Variants in MACROD2 observed in about 807,000 individuals in gnomAD.
The protein encoded by MACROD2 is ADP-ribose glycohydrolase MACROD2.
In MACROD2, 36 loss-of-function variants were observed where a neutral mutation model predicts 70.4. The observed-to-expected ratio is 0.51, with a 90% CI of 0.39 to 0.68. The LOEUF is 0.68. Among genes scored for constraint, MACROD2 ranks in the 30% least tolerant of loss-of-function variants. The probability of loss-of-function intolerance (pLI) is 0.00; values close to 1 mark genes in which losing one functional copy is unlikely to be tolerated. For missense variants in MACROD2, 496 were observed against 538.4 expected (o/e 0.92, Z 0.78); for synonymous variants, 172 against 178.8 (o/e 0.96, Z 0.30).
chr20:15,879,682 T>G (rs1376682857), intron 9 of MACROD2, among the ~76,000 whole-genome samples: 1 of 152,150 alleles, frequency 6.6e-6, no homozygotes, highest in African/African-American at 2.4e-5. Context: ...TAGTCAGGTT[T>G]TTGCAGAGAA....
chr20:15,328,867 T>A (rs2077961109), intron 6 of MACROD2, among the ~76,000 whole-genome samples: 2 of 152,088 alleles, frequency 1.3e-5, no homozygotes, highest in Admixed American at 1.3e-4. Context: ...CCAAAAGATA[T>A]TTACCAAAGT....
chr20:15,698,682 G>A (rs1600775263), intron 8 of MACROD2, among the ~76,000 whole-genome samples: 1 of 152,160 alleles, frequency 6.6e-6, no homozygotes, highest in African/African-American at 2.4e-5. Context: ...CAAGCTTTGA[G>A]AATTGTCTTC....
Position 15,592,553 on chromosome 20 carries a change from A to G in MACROD2, c.645+92706A>G, listed in dbSNP as rs145369712. Among the ~76,000 whole-genome samples, 613 of 152,326 alleles carry G rather than the reference A, an allele frequency of 4.0e-3. 4 individuals carry two copies. Among genetic ancestry groups the G allele is most frequent in the Middle Eastern group, 0.014 (4 of 294 alleles). The stretch of plus-strand genomic sequence containing the variant: ...CTAATTTAAAGCTCACAGTCATAAA[A>G]GATTCGTCCTTGCCTTACTTTCCAC... On this transcript the variant is annotated intron_variant, in intron 8 of 17. Coordinates refer to ENST00000684519, the MANE Select transcript of MACROD2 (RefSeq NM_001351661.2).
chr20:14,589,331 C>T (rs931940018), intron 4 of MACROD2, among the ~76,000 whole-genome samples: 2 of 152,072 alleles, frequency 1.3e-5, no homozygotes, highest in African/African-American at 4.8e-5. Context: ...ATTGCTTTAT[C>T]AGTTTTTGAA....
chr20:14,361,725 T>A (rs190802782), intron 3 of MACROD2, among the ~76,000 whole-genome samples: 54 of 152,224 alleles, frequency 3.5e-4, no homozygotes, highest in African/African-American at 1.2e-3. Context: ...GCCATTGGAC[T>A]AGGGAGGTGT....
chr20:15,651,642 C>G (rs542890604), intron 8 of MACROD2, among the ~76,000 whole-genome samples: 7 of 152,244 alleles, frequency 4.6e-5, no homozygotes, highest in African/African-American at 1.7e-4. Context: ...AGTGACTCCG[C>G]TTTCAATCCA....
At chr20:15,041,533 G>C (rs940905263) in intron 5 of MACROD2, among the ~76,000 whole-genome samples, 11 of 152,054 alleles carry the variant, frequency 7.2e-5, no homozygotes, top group African/African-American at 2.7e-4. Flanking sequence ...GAAGCCTCAA[G>C]TTATCCTCCC....
At chr20:16,014,436 A>G (rs1455346557) in intron 15 of MACROD2, among the ~76,000 whole-genome samples, 2 of 152,248 alleles carry the variant, frequency 1.3e-5, no homozygotes, top group African/African-American at 4.8e-5. Flanking sequence ...CCATGCTCCC[A>G]AGATTGGAAG....
At chr20:15,930,071 C>T (rs780373585) in intron 10 of MACROD2, among the ~76,000 whole-genome samples, 1 of 152,282 alleles carries the variant, frequency 6.6e-6, no homozygotes, top group East Asian at 1.9e-4. Flanking sequence ...GAACATTTAG[C>T]TTCTATGTGG....
At chr20:15,359,079 C>A (rs2078322256) in intron 6 of MACROD2, among the ~76,000 whole-genome samples, 1 of 152,158 alleles carries the variant, frequency 6.6e-6, no homozygotes, top group Admixed American at 6.5e-5. Context: ...TTATTAGCAA[C>A]AGCCACCGAC....
intron 5 of MACROD2, among the ~76,000 whole-genome samples, chr20:15,154,302 A>T (rs1330262049): frequency 6.6e-6 from 1 of 152,100 alleles, no homozygotes; most frequent in Non-Finnish European, 1.5e-5. Flanking sequence ...GAACCTTTCC[A>T]CAGATTTTCC....
chr20:14,505,156 A>C (rs940255659), intron 4 of MACROD2, among the ~76,000 whole-genome samples: 4 of 152,244 alleles, frequency 2.6e-5, no homozygotes, highest in African/African-American at 9.6e-5. Flanking sequence ...GCTTTTAGGA[A>C]CATATGTACC....
At chr20:14,646,928 C>T (rs550855786) in intron 4 of MACROD2, among the ~76,000 whole-genome samples, 114 of 152,052 alleles carry the variant, frequency 7.5e-4, no homozygotes, top group Non-Finnish European at 1.4e-3. Context: ...TAAATATGTG[C>T]GGGTGTCTGG....
intron 3 of MACROD2, among the ~76,000 whole-genome samples, chr20:14,416,020 G>A (rs567797614): frequency 1.9e-4 from 28 of 150,716 alleles, no homozygotes; most frequent in South Asian, 1.3e-3. Context: ...GTGCAGTGGC[G>A]CGATCTCAGC....
intron 5 of MACROD2, among the ~76,000 whole-genome samples, chr20:14,963,852 T>A (rs1001725496): frequency 1.3e-5 from 2 of 152,214 alleles, no homozygotes; most frequent in African/African-American, 4.8e-5. Context: ...CCAGAACTTT[T>A]CTTTGGGCTT....
chr20:14,952,851 T>C (rs933429392), intron 5 of MACROD2, among the ~76,000 whole-genome samples: 5 of 152,056 alleles, frequency 3.3e-5, no homozygotes, highest in African/African-American at 1.2e-4. Flanking sequence ...AACATGACAT[T>C]CTCCTAAAAC....
intron 4 of MACROD2, among the ~76,000 whole-genome samples, chr20:14,590,390 T>C (rs996937241): frequency 6.6e-6 from 1 of 152,164 alleles, no homozygotes; most frequent in Non-Finnish European, 1.5e-5. Context: ...AGCCTGGGTT[T>C]AGAGGTTTGT....
At chr20:14,667,057 T>A (rs959094952) in intron 4 of MACROD2, among the ~76,000 whole-genome samples, 2 of 152,124 alleles carry the variant, frequency 1.3e-5, no homozygotes, top group African/African-American at 4.8e-5. Context: ...GTTCTTCTTA[T>A]AGCAAAACTG....
At chr20:15,803,502 T>G (rs2063743942) in intron 8 of MACROD2, among the ~76,000 whole-genome samples, 1 of 152,074 alleles carries the variant, frequency 6.6e-6, no homozygotes, top group Non-Finnish European at 1.5e-5. Flanking sequence ...GAGGAGGAGA[T>G]CATTATGTCA....
Sources: gnomAD v4.1 joint callset for allele counts (sites outside exome capture counted in the v4.1 genomes callset) on GRCh38, gnomAD v4.1.1 for gene constraint, MANE v1.5 for transcripts, NCBI Gene and HGNC (gene_info 2026-07-23, HGNC 2026-07-21) for gene names.